The following EXPH5 variants were observed in gnomAD, a reference collection of about 807,000 sequenced individuals.
EXPH5 encodes the protein exophilin-5.
In EXPH5, 42 loss-of-function variants were observed where a neutral mutation model predicts 41.1. That is an observed-to-expected ratio of 1.02 (90% CI 0.80 to 1.32). EXPH5 has a LOEUF of 1.32. Ranked by LOEUF, EXPH5 falls within the 40% of genes most tolerant of loss-of-function variation. The probability of loss-of-function intolerance (pLI) is 0.00; values close to 1 mark genes in which losing one functional copy is unlikely to be tolerated. For missense variants in EXPH5, 2,298 were observed against 2,314.5 expected (o/e 0.99, Z 0.15); for synonymous variants, 798 against 833.5 (o/e 0.96, Z 0.73).
intron 1 of EXPH5, among the ~76,000 whole-genome samples, chr11:108,555,595 A>G (rs1316839440): frequency 1.3e-5 from 2 of 152,064 alleles, no homozygotes; most frequent in Non-Finnish European, 2.9e-5. Context: ...TCCCCACCCA[A>G]AATCTCATCT....
rs548865935 is a variant in EXPH5, at chr11:108,509,642, C to A, written c.5865G>T (p.Pro1955=). The A allele has an allele frequency of 4.3e-6, 7 of 1,613,648 alleles. No individual in the cohort carries two copies. Among genetic ancestry groups the A allele is most frequent in the Non-Finnish European group, 4.2e-6 (5 of 1,179,818 alleles). ...CTGGGTCATCCTCATAGATATTAAGCGGTTCACTTGGAGATAAGCCATCTT... is the reference window on the plus strand; with the variant it reads ...CTGGGTCATCCTCATAGATATTAAGAGGTTCACTTGGAGATAAGCCATCTT... ...VPEDGLSPSE[P]LNIYEDDPVD... The change falls in exon 6 of 6, where the codon CCG becomes CCT. Residue 1955 remains proline (P), a synonymous_variant. Transcript: ENST00000265843.
chr11:108,573,198 A>AAAAGAAAG (rs144108239), intron 1 of EXPH5, among the ~76,000 whole-genome samples: 3 of 108,226 alleles, frequency 2.8e-5, no homozygotes, highest in African/African-American at 8.3e-5. Context: ...GAAAGAAAGA[A>AAAAGAAAG]AAAGAAAGAA....
chr11:108,513,481 T>C lies in EXPH5; in HGVS notation c.2026A>G (p.Ser676Gly). The C allele has an allele frequency of 6.2e-7, 1 of 1,613,936 alleles. No homozygotes were observed. Among genetic ancestry groups the C allele is most frequent in the Non-Finnish European group, 8.5e-7 (1 of 1,179,874 alleles). The change falls in exon 6 of 6, where the codon AGC becomes GGC. Residue 676 changes from serine to glycine, a missense_variant. Transcript: ENST00000265843. ...MRSHTEVTVT[S>G]SNSVDSLPLA... is the part of the protein sequence containing the mutation. The stretch of plus-strand genomic sequence containing the variant: ...GGCAGAGAGTCAACTGAATTGCTGC[T>C]GGTCACAGTGACTTCTGTATGGCTT...
Position 108,526,877 on chromosome 11 carries a change from C to T in EXPH5, c.492+1259G>A, listed in dbSNP as rs551086783. On this transcript the variant is annotated intron_variant, in intron 4 of 5. Transcript: ENST00000265843. ...TTATAGAGTTTCTCTGGGGATTAAA[C>T]GAAATGATCTGTGTCAAGTGCCTGG... 5.9e-5 allele frequency among the ~76,000 whole-genome samples: 9 copies of T among 152,164 alleles called. No homozygotes were observed. In the South Asian group the frequency reaches 8.3e-4, roughly 14 times the overall value.
Position 108,509,570 on chromosome 11 carries a change from G to T in EXPH5, c.5937C>A (p.Tyr1979Ter), listed in dbSNP as rs754483762. The part of the protein sequence containing the change: ...DTDTTTDDEY[Y>*]LDENDKESEL ...CTGACTCTTTGTCATTTTCATCCAGGTAGTATTCATCATCTGTGGTTGTGT... is the reference window on the plus strand; with the variant it reads ...CTGACTCTTTGTCATTTTCATCCAGTTAGTATTCATCATCTGTGGTTGTGT... The change falls in exon 6 of 6, where the codon TAC (tyrosine) becomes TAA (stop). Residue 1979 changes from tyrosine (Y) to a stop codon, truncating the protein, a stop_gained. Coordinates refer to ENST00000265843, the MANE Select transcript of EXPH5 (RefSeq NM_015065.3). LOFTEE classifies it high-confidence loss of function. The T allele has an allele frequency of 6.3e-6, 10 of 1,579,376 alleles. No homozygotes were observed. Among genetic ancestry groups the T allele is most frequent in the Non-Finnish European group, 3.4e-6 (4 of 1,168,516 alleles).
chr11:108,538,103 G>A (rs1424212954), intron 3 of EXPH5: 1 of 985,292 alleles, frequency 1.0e-6, no homozygotes, highest in Non-Finnish European at 1.2e-6. Context: ...TCACCCAAGA[G>A]GGGAGGACAG....
intron 1 of EXPH5, among the ~76,000 whole-genome samples, chr11:108,545,238 A>G (rs949994863): frequency 2.0e-5 from 3 of 152,086 alleles, no homozygotes; most frequent in Non-Finnish European, 4.4e-5. Context: ...ACATGGTGAG[A>G]CCCTGTCTCT....
chr11:108,572,795 G>T (rs1371437500), intron 1 of EXPH5, among the ~76,000 whole-genome samples: 1 of 152,082 alleles, frequency 6.6e-6, no homozygotes, highest in African/African-American at 2.4e-5. Flanking sequence ...CTGACCTTAG[G>T]TGATCCACTC....
At chr11:108,591,801 A>G (rs2094128180) in intron 1 of EXPH5, among the ~76,000 whole-genome samples, 1 of 152,148 alleles carries the variant, frequency 6.6e-6, no homozygotes, top group African/African-American at 2.4e-5. Flanking sequence ...TGCAATAGAG[A>G]AAACACAATA....
chr11:108,511,401 T>C lies in EXPH5; in HGVS notation c.4106A>G (p.Asp1369Gly). 6.3e-7 allele frequency: 1 copy of C among 1,589,102 alleles called. No homozygotes were observed. The highest frequency in any genetic ancestry group is 8.5e-7 in the Non-Finnish European group (1 of 1,171,352). The change falls in exon 6 of 6, where the codon GAT becomes GGT. Residue 1369 changes from aspartate to glycine, a missense_variant. Coordinates refer to ENST00000265843, the MANE Select transcript of EXPH5 (RefSeq NM_015065.3). ...ACCTAGAGGTGTTTTAGCTAAATTA[T>C]CTGAAAAAATCTCTCTAGCTTTAGA... Reference protein sequence around the residue: ...EESKAREIFSDNLAKTPLGDS... With the variant: ...EESKAREIFSGNLAKTPLGDS...
chr11:108,548,010 G>C (rs1454745551), intron 1 of EXPH5, among the ~76,000 whole-genome samples: 1 of 151,342 alleles, frequency 6.6e-6, no homozygotes, highest in Non-Finnish European at 1.5e-5. Flanking sequence ...TGAGGAGGCT[G>C]AGGCAGAAGA....
chr11:108,512,428 T>C lies in EXPH5; in HGVS notation c.3079A>G (p.Ser1027Gly), dbSNP rs1364371186. The C allele has an allele frequency of 1.2e-6, 2 of 1,611,854 alleles. No homozygotes were observed. The highest frequency in any genetic ancestry group is 2.7e-5 in the African/African-American group (2 of 74,916). Residue 1027 changes from serine (S) to glycine (G), a missense_variant, in exon 6 of 6, where the codon AGC (serine) becomes GGC (glycine). Ser to Gly is a moderately conservative substitution (Grantham distance 56). Transcript: ENST00000265843. Reference protein sequence around the residue: ...TIYCTLPRKSSSFLIHGRQSG... With the variant: ...TIYCTLPRKSGSFLIHGRQSG... ...TGCCTGCCATGTATGAGAAAACTGC[T>C]TGATTTTCTTGGCAAGGTACAATAA...
Position 108,510,356 on chromosome 11 carries a change from T to C in EXPH5, c.5151A>G (p.Lys1717=), listed in dbSNP as rs554556853. ...CTAAATTCTGAGCTGCTGTGACGTC[T>C]TTAGAATTCTCATGCTTTGATGGTG... ...SESPSKHENS[K]DVTAAQNLVR... The change falls in exon 6 of 6, where the codon AAA becomes AAG. Residue 1717 remains lysine (K), a synonymous_variant. Coordinates refer to ENST00000265843, the MANE Select transcript of EXPH5 (RefSeq NM_015065.3). 1 of 1,614,246 alleles carries C rather than the reference T, an allele frequency of 6.2e-7. No homozygotes were observed. The highest frequency in any genetic ancestry group is 1.3e-5 in the African/African-American group (1 of 75,068).
intron 1 of EXPH5, among the ~76,000 whole-genome samples, chr11:108,580,555 G>A (rs906130875): frequency 6.6e-6 from 1 of 152,128 alleles, no homozygotes; most frequent in African/African-American, 2.4e-5. Flanking sequence ...TTCCACTGCT[G>A]GGTATACCCA....
At chr11:108,535,698 G>T (rs1474897119) in intron 3 of EXPH5, among the ~76,000 whole-genome samples, 1 of 152,206 alleles carries the variant, frequency 6.6e-6, no homozygotes, top group Non-Finnish European at 1.5e-5. Context: ...GTTGCAGCTG[G>T]ACTGTCTGAG....
intron 1 of EXPH5, among the ~76,000 whole-genome samples, chr11:108,571,975 G>A (rs540537381): frequency 2.6e-4 from 40 of 152,112 alleles, no homozygotes; most frequent in Admixed American, 5.2e-4. Flanking sequence ...GCGTGAACCC[G>A]GGAGGCGGAG....
intron 1 of EXPH5, among the ~76,000 whole-genome samples, chr11:108,546,159 T>C (rs1357340338): frequency 1.3e-5 from 2 of 151,372 alleles, no homozygotes; most frequent in East Asian, 3.9e-4. Flanking sequence ...AGTGTGGAGA[T>C]GGAGAGAAAG....
chr11:108,574,805 T>C (rs1020947653), intron 1 of EXPH5, among the ~76,000 whole-genome samples: 17 of 152,338 alleles, frequency 1.1e-4, no homozygotes, highest in African/African-American at 3.8e-4. Context: ...TTTACTTCCA[T>C]GATAAAAAGG....
intron 4 of EXPH5, among the ~76,000 whole-genome samples, chr11:108,524,808 C>T (rs2093787383): frequency 6.6e-6 from 1 of 152,232 alleles, no homozygotes; most frequent in African/African-American, 2.4e-5. Flanking sequence ...TCATATCCAC[C>T]AATGTAGCTG....
Sources: allele counts gnomAD v4.1 joint callset (sites outside exome capture counted in the v4.1 genomes callset), GRCh38; gene constraint gnomAD v4.1.1; transcripts MANE v1.5; gene names NCBI Gene and HGNC (gene_info 2026-07-23, HGNC 2026-07-21).